ABHD12: variants seen among roughly 807,000 people sequenced by gnomAD.
ABHD12 encodes lysophosphatidylserine lipase ABHD12.
Under a neutral mutation model 58.3 loss-of-function variants are expected in ABHD12, and 43 were observed. The ratio of observed to expected loss-of-function variants is 0.74; its 90% CI spans 0.58 to 0.95. The LOEUF (loss-of-function observed/expected upper bound fraction) is 0.95, where lower values mean the gene tolerates loss of function less well. Ranked by LOEUF, ABHD12 falls within the 40% of genes least tolerant of loss-of-function variation. The pLI is 0.00. For missense variants in ABHD12, 539 were observed against 537.2 expected, an observed-to-expected ratio of 1.00 and a Z score of -0.03; for synonymous variants, 219 against 211.2, an observed-to-expected ratio of 1.04 and a Z score of -0.32.
intron 4 of ABHD12, among the ~76,000 whole-genome samples, chr20:25,319,752 C>T (rs907105259): frequency 6.6e-6 from 1 of 152,332 alleles, no homozygotes; most frequent in East Asian, 1.9e-4. Context: ...TCCAAGAAAC[C>T]CTGCTCCCCA....
At chr20:25,305,974 C>T (rs1409010994) in intron 10 of ABHD12, among the ~76,000 whole-genome samples, 2 of 151,828 alleles carry the variant, frequency 1.3e-5, no homozygotes, top group Non-Finnish European at 2.9e-5. Context: ...GAGACCAGCC[C>T]GGCCAACATG....
In ABHD12 at chr20:25,335,701, G is replaced by C. The variant is rs1329805776; in HGVS notation, c.316+3526C>G. 8.7e-5 allele frequency among the ~76,000 whole-genome samples: 13 copies of C among 149,630 alleles called. No individual in the cohort carries two copies. The Admixed American group carries it at 8.7e-4, about 10-fold the overall frequency. On this transcript the variant is annotated intron_variant, in intron 2 of 12. Transcript: ENST00000339157. ...AAATCATCATTCTCAGTAAACTATT[G>C]CAAGATCAAAAAACCAAACACCGCA...
intron 11 of ABHD12, among the ~76,000 whole-genome samples, chr20:25,302,751 G>A (rs1188417788): frequency 3.3e-5 from 5 of 152,262 alleles, no homozygotes; most frequent in Non-Finnish European, 7.4e-5. Flanking sequence ...CTCTCATTTC[G>A]GCAAGGGTAG....
At chr20:25,379,378 G>A (rs1391412571) in intron 1 of ABHD12, among the ~76,000 whole-genome samples, 2 of 152,216 alleles carry the variant, frequency 1.3e-5, no homozygotes, top group Non-Finnish European at 2.9e-5. Flanking sequence ...CCTCCTAGCA[G>A]ATGGCCTTGC....
At chr20:25,330,585 C>T (rs554151346) in intron 2 of ABHD12, among the ~76,000 whole-genome samples, 77 of 152,340 alleles carry the variant, frequency 5.1e-4, no homozygotes, top group African/African-American at 1.6e-3. Context: ...CTGAAGAGAG[C>T]GGTGGTTCTC....
chr20:25,337,173 G>A (rs2089385504), intron 2 of ABHD12, among the ~76,000 whole-genome samples: 1 of 152,188 alleles, frequency 6.6e-6, no homozygotes, highest in Admixed American at 6.5e-5. Context: ...GGCTAAGGTG[G>A]GAGGATCACC....
intron 1 of ABHD12, among the ~76,000 whole-genome samples, chr20:25,344,273 T>G (rs1174584840): frequency 6.6e-6 from 1 of 152,144 alleles, no homozygotes; most frequent in Non-Finnish European, 1.5e-5. Flanking sequence ...AAAATAAAAC[T>G]TTGCAGATCA....
intron 5 of ABHD12, among the ~76,000 whole-genome samples, chr20:25,316,129 T>C (rs995918938): frequency 1.3e-5 from 2 of 152,022 alleles, no homozygotes; most frequent in African/African-American, 2.4e-5. Context: ...TGGCAGTCAG[T>C]GTAGCACCTG....
chr20:25,390,413 TCTGGGAGGGG>T, intron 1 of ABHD12, 90 bp downstream of exon 1: 1 of 1,203,570 alleles, frequency 8.3e-7, no homozygotes, highest in Non-Finnish European at 1.1e-6. Flanking sequence ...GGACGGCCAC[TCTGGGAGGGG>T]CTGGGAGGTA....
chr20:25,297,468 A>C (rs2088566467), downstream of ABHD12: 1 of 152,364 alleles, frequency 6.6e-6, no homozygotes, highest in African/African-American at 2.4e-5. Context: ...TGTACACACA[A>C]GGGCCAGGCT....
At chr20:25,345,040 G>A (rs1020959519) in intron 1 of ABHD12, among the ~76,000 whole-genome samples, 2 of 150,264 alleles carry the variant, frequency 1.3e-5, no homozygotes, top group African/African-American at 2.4e-5. Flanking sequence ...AAACTCCTAG[G>A]AGATAACAGA....
chr20:25,321,996 T>G (rs2089074812), intron 3 of ABHD12, among the ~76,000 whole-genome samples: 2 of 152,210 alleles, frequency 1.3e-5, no homozygotes, highest in South Asian at 4.1e-4. Context: ...ATTTAGAAGC[T>G]TCTCACATAC....
intron 2 of ABHD12, 133 bp downstream of exon 2, chr20:25,339,094 C>T (rs977055959): frequency 6.9e-7 from 1 of 1,458,880 alleles, no homozygotes; most frequent in Admixed American, 2.0e-5. Flanking sequence ...AAACTGTACA[C>T]TTAAGATATG....
chr20:25,330,168 G>A (rs1467467596), intron 2 of ABHD12, among the ~76,000 whole-genome samples: 1 of 152,264 alleles, frequency 6.6e-6, no homozygotes, highest in Admixed American at 6.5e-5. Context: ...AAGGGGTCAG[G>A]GAGTTCCCTT....
rs1468328183 is a variant in ABHD12 at position 25,390,713 on chromosome 20, G to T, written c.-10C>A. The T allele has an allele frequency of 8.8e-6, 12 of 1,363,500 alleles. No individual in the cohort carries two copies. The highest frequency in any genetic ancestry group is 3.2e-5 in the South Asian group (2 of 61,854). 84.5% of individuals were successfully genotyped at this position (1,363,500 alleles called of 1,614,324 possible). Reference sequence around the variant, plus strand: ...CGGTCCGCTTCCTCATCCCGCGGCCGACAGGGCCAGCCGCCGACGGCGCCC... The same window carrying T: ...CGGTCCGCTTCCTCATCCCGCGGCCTACAGGGCCAGCCGCCGACGGCGCCC... On this transcript the variant is annotated 5_prime_UTR_variant, in exon 1 of 13. Coordinates refer to ENST00000339157, the MANE Select transcript of ABHD12 (RefSeq NM_001042472.3).
chr20:25,296,458 G>A (rs758339184), downstream of ABHD12: 16 of 1,613,806 alleles, frequency 9.9e-6, no homozygotes, highest in African/African-American at 1.3e-5. Context: ...GAGTATGCAC[G>A]GGAGATCTGG....
At chr20:25,308,340 C>T (rs1479841967) in intron 8 of ABHD12, 117 bp downstream of exon 8, 3 of 1,356,602 alleles carry the variant, frequency 2.2e-6, no homozygotes, top group Non-Finnish European at 3.1e-6. Context: ...GCCCCGGGCC[C>T]CCCAGAATGT....
intron 1 of ABHD12, among the ~76,000 whole-genome samples, chr20:25,347,863 T>C (rs1332374178): frequency 1.3e-5 from 2 of 151,184 alleles, no homozygotes; most frequent in Non-Finnish European, 2.9e-5. Flanking sequence ...AATGTTTTCA[T>C]GTTTTTAAAA....
intron 1 of ABHD12, among the ~76,000 whole-genome samples, chr20:25,354,744 A>C (rs1200886455): frequency 6.6e-6 from 1 of 152,168 alleles, no homozygotes; most frequent in African/African-American, 2.4e-5. Context: ...GAATTGTTAT[A>C]ATTAGAAAAA....
Sources: allele counts gnomAD v4.1 joint callset (sites outside exome capture counted in the v4.1 genomes callset), GRCh38; gene constraint gnomAD v4.1.1; transcripts MANE v1.5; gene names NCBI Gene and HGNC (gene_info 2026-07-23, HGNC 2026-07-21).